Variants in SBNO2 observed in about 807,000 individuals in gnomAD.
SBNO2 encodes the protein protein strawberry notch homolog 2.
Under a neutral mutation model 146.3 loss-of-function variants are expected in SBNO2, and 89 were observed. That is an observed-to-expected ratio of 0.61 (90% CI 0.51 to 0.73). The LOEUF is 0.73. Ranked by LOEUF, SBNO2 falls within the 30% of genes least tolerant of loss-of-function variation. The probability of loss-of-function intolerance (pLI) is 0.00; values close to 1 mark genes in which losing one functional copy is unlikely to be tolerated. For synonymous variants in SBNO2, 1,147 were observed against 892.6 expected (o/e 1.29, Z -5.08); for missense variants, 2,092 against 2,003.7 (o/e 1.04, Z -0.84).
At chr19:1,148,323 C>T (rs965938162) in intron 3 of SBNO2, among the ~76,000 whole-genome samples, 2 of 151,998 alleles carry the variant, frequency 1.3e-5, no homozygotes, top group Middle Eastern at 3.2e-3. Flanking sequence ...CAAACAGCTG[C>T]TCCACAATCT....
At chr19:1,115,834 C>A (rs549242323) in intron 17 of SBNO2, 187 bp downstream of exon 17, 5 of 627,756 alleles carry the variant, frequency 8.0e-6, no homozygotes, top group East Asian at 5.6e-5. Flanking sequence ...CTTCCCTAAG[C>A]GTTCCATGGC....
intron 16 of SBNO2, 81 bp downstream of exon 16, chr19:1,116,748 G>C (rs1016035372): frequency 7.8e-7 from 1 of 1,276,660 alleles, no homozygotes; most frequent in African/African-American, 1.5e-5. Flanking sequence ...CCAAGGGGCA[G>C]GGTCAGGCCA....
chr19:1,142,958 C>T (rs1012623151), intron 4 of SBNO2, among the ~76,000 whole-genome samples: 1 of 151,922 alleles, frequency 6.6e-6, no homozygotes, highest in Non-Finnish European at 1.5e-5. Context: ...GAGTAAGAGT[C>T]GGTCTCCAGA....
At chr19:1,156,644 C>T (rs2080291985) in intron 1 of SBNO2, among the ~76,000 whole-genome samples, 1 of 152,150 alleles carries the variant, frequency 6.6e-6, no homozygotes, top group African/African-American at 2.4e-5. Flanking sequence ...CGTGGCCCAT[C>T]CACGTGCCAG....
rs2080166686 is a variant in SBNO2, at chr19:1,144,365, T to C, written c.279+2944A>G. ...AGATTTGGGTCCAAGCTGCCCCACATACGGACGCTGGAGCATGAGGCGGCT... is the reference window on the plus strand; with the variant it reads ...AGATTTGGGTCCAAGCTGCCCCACACACGGACGCTGGAGCATGAGGCGGCT... On this transcript the variant is annotated intron_variant, in intron 4 of 31. Coordinates refer to ENST00000361757, the MANE Select transcript of SBNO2 (RefSeq NM_014963.3). This position sits in a 1 kb window ranked among gnomAD's most constrained non-coding sequence, Gnocchi z 4.1. Among the ~76,000 whole-genome samples the C allele has an allele frequency of 6.6e-6, 1 of 152,088 alleles. No homozygotes were observed. Among genetic ancestry groups the C allele is most frequent in the South Asian group, 2.1e-4 (1 of 4,820 alleles).
intron 1 of SBNO2, among the ~76,000 whole-genome samples, chr19:1,156,231 C>T (rs1291047009): frequency 5.3e-5 from 8 of 152,166 alleles, no homozygotes; most frequent in South Asian, 2.1e-4. Context: ...CGTCTGTGGA[C>T]GCCCCTTCCA....
chr19:1,108,220 T>A lies in SBNO2; in HGVS notation c.4101A>T (p.Ter1367CysextTer29). The A allele has an allele frequency of 6.5e-7, 1 of 1,527,172 alleles. No homozygotes were observed. The highest frequency in any genetic ancestry group is 8.8e-7 in the Non-Finnish European group (1 of 1,135,146). The allele number at this position is 1,527,172 out of a possible 1,614,324, so 94.6% of individuals were successfully genotyped here. ...PPFPGAQAPL[*>C] ...GGGGCATGTTTCGCCTAAAGGCGTGTCAGAGAGGAGCCTGGGCGCCGGGGA... is the reference window on the plus strand; with the variant it reads ...GGGGCATGTTTCGCCTAAAGGCGTGACAGAGAGGAGCCTGGGCGCCGGGGA... The change falls in exon 32 of 32, where the codon TGA becomes TGT. Residue 1367 changes from the stop codon to cysteine (C), a stop_lost. Coordinates refer to ENST00000361757, the MANE Select transcript of SBNO2 (RefSeq NM_014963.3).
Position 1,157,488 on chromosome 19 carries a change from C to T in SBNO2, c.-126-3086G>A, listed in dbSNP as rs537993542. 6.6e-6 allele frequency among the ~76,000 whole-genome samples: 1 copy of T among 152,134 alleles called. No homozygotes were observed. Among genetic ancestry groups the T allele is most frequent in the African/African-American group, 2.4e-5 (1 of 41,500 alleles). On this transcript the variant is annotated intron_variant, in intron 1 of 31. Transcript: ENST00000361757. This position sits in a 1 kb window ranked among gnomAD's most constrained non-coding sequence, Gnocchi z 6.8. ...CAGAGCCACGGGCCAGCCAAACGTC[C>T]AGCGGGCAGCAGAGCGTGTCCCCTG...
chr19:1,111,657 G>A (rs375526013), intron 23 of SBNO2, 43 bp from the exon 24 acceptor site: 7 of 1,466,726 alleles, frequency 4.8e-6, no homozygotes, highest in South Asian at 1.2e-5. Context: ...CAGGGAGGAG[G>A]CTGGCTTTCC....
chr19:1,122,610 T>TC, intron 9 of SBNO2, 48 bp downstream of exon 9: 2 of 694,594 alleles, frequency 2.9e-6, no homozygotes, highest in Admixed American at 3.6e-5. Context: ...GCCCCCCGCT[T>TC]CCGCCCCCCA....
intron 1 of SBNO2, among the ~76,000 whole-genome samples, chr19:1,169,537 C>T (rs549601249): frequency 1.3e-4 from 20 of 152,338 alleles, no homozygotes; most frequent in African/African-American, 4.8e-4. Context: ...CCTGCCCCTC[C>T]GAAGCAGTGA....
Position 1,109,767 on chromosome 19 carries a change from G to C in SBNO2, c.3039C>G (p.Pro1013=). ...TCTCCTCGTAGATCTCCTCGATACCGGGAGCAAGGTCTAGGGGGGCGGGTG... is the reference window on the plus strand; with the variant it reads ...TCTCCTCGTAGATCTCCTCGATACCCGGAGCAAGGTCTAGGGGGGCGGGTG... ...KYDMGILDLA[P]GIEEIYEESQ... The change falls in exon 27 of 32, where the codon CCC becomes CCG. Residue 1013 remains proline (P), a synonymous_variant. Coordinates refer to ENST00000361757, the MANE Select transcript of SBNO2 (RefSeq NM_014963.3). The surrounding 1 kb of genome is among the most constrained non-coding windows in gnomAD (Gnocchi z 4.2). The C allele has an allele frequency of 1.3e-6, 2 of 1,594,054 alleles. No homozygotes were observed. Among genetic ancestry groups the C allele is most frequent in the Non-Finnish European group, 1.7e-6 (2 of 1,167,924 alleles).
At chr19:1,147,509 A>G (rs1167383899) in intron 3 of SBNO2, 89 bp from the exon 4 acceptor site, 9 of 667,944 alleles carry the variant, frequency 1.3e-5, no homozygotes, top group Non-Finnish European at 2.2e-5. Context: ...CCGCAGCCAG[A>G]GGCCCCTCGA....
rs994294505 is a variant in SBNO2, at chr19:1,140,368, G to A, written c.279+6941C>T. Among the ~76,000 whole-genome samples the A allele has an allele frequency of 6.6e-5, 10 of 151,734 alleles. No homozygotes were observed. Among genetic ancestry groups the A allele is most frequent in the Non-Finnish European group, 7.4e-5 (5 of 67,974 alleles). On this transcript the variant is annotated intron_variant, in intron 4 of 31. Coordinates refer to ENST00000361757, the MANE Select transcript of SBNO2 (RefSeq NM_014963.3). This position sits in a 1 kb window ranked among gnomAD's most constrained non-coding sequence, Gnocchi z 4.4. ...CAGAACCACGGTTCACCTGCACACC[G>A]CGGCAGGGGGCCCCACCAGGACACA...
chr19:1,165,222 T>G (rs937179208), intron 1 of SBNO2, among the ~76,000 whole-genome samples: 1 of 152,064 alleles, frequency 6.6e-6, no homozygotes, highest in South Asian at 2.1e-4. Context: ...TCAGGGCTGC[T>G]CAGCTGACCC....
At position 1,108,378 on chromosome 19, in the gene SBNO2, C is replaced by T; in HGVS notation, c.3943G>A (p.Val1315Met). 4.6e-6 allele frequency: 6 copies of T among 1,291,362 alleles called. No individual in the cohort carries two copies. Among genetic ancestry groups the T allele is most frequent in the Non-Finnish European group, 4.9e-6 (5 of 1,013,782 alleles). The allele number at this position is 1,291,362 out of a possible 1,614,324, so 80.0% of individuals were successfully genotyped here. Residue 1315 changes from valine to methionine, a missense_variant, in exon 32 of 32, where the codon GTG becomes ATG. By Grantham distance (21) the Val-to-Met change is conservative (BLOSUM62 1). Transcript: ENST00000361757. ...HQGCDINFKE[V>M]LEDMLRSLHA... ...AGCGAGCGCAGCATGTCCTCCAGCA[C>T]CTCCTTGAAGTTGATGTCGCAGCCC...
In SBNO2 at chr19:1,174,230, A is replaced by G. The variant is rs1356019661; in HGVS notation, c.-185T>C. On this transcript the variant is annotated 5_prime_UTR_variant, in exon 1 of 32. Coordinates refer to ENST00000361757, the MANE Select transcript of SBNO2 (RefSeq NM_014963.3). ...CGGCGCCTGTTTCTCCGAGCCTCGC[A>G]GCTGCCGCCGCTCACTTCCGGGTTT... 4.0e-5 allele frequency: 6 copies of G among 151,634 alleles called. No individual in the cohort carries two copies. Among genetic ancestry groups the G allele is most frequent in the Non-Finnish European group, 7.4e-5 (5 of 67,878 alleles). 9.4% of individuals were successfully genotyped at this position (151,634 alleles called of 1,614,324 possible).
chr19:1,151,933 G>A (rs1014726992), intron 2 of SBNO2, among the ~76,000 whole-genome samples: 2 of 152,200 alleles, frequency 1.3e-5, no homozygotes, highest in Admixed American at 1.3e-4. Flanking sequence ...AGAGTGCTGG[G>A]ATTTCAGGCG....
At chr19:1,159,422 G>A (rs1164188026) in intron 1 of SBNO2, among the ~76,000 whole-genome samples, 1 of 140,452 alleles carries the variant, frequency 7.1e-6, no homozygotes, top group Non-Finnish European at 1.6e-5. Context: ...GGTCAGCCCA[G>A]TGAGAGACCT....
Sources: allele counts gnomAD v4.1 joint callset (sites outside exome capture counted in the v4.1 genomes callset), GRCh38; gene constraint gnomAD v4.1.1; non-coding constraint Gnocchi (gnomAD v3.1); transcripts MANE v1.5; gene names NCBI Gene and HGNC (gene_info 2026-07-23, HGNC 2026-07-21).